Variants in HHIP observed in about 807,000 individuals in gnomAD.
The protein encoded by HHIP is hedgehog interacting protein, also known as hedgehog-interacting protein.
Under a neutral mutation model 74.0 loss-of-function variants are expected in HHIP, and 12 were observed. The ratio of observed to expected loss-of-function variants is 0.16; its 90% CI spans 0.10 to 0.26. The LOEUF (loss-of-function observed/expected upper bound fraction) is 0.26, where lower values mean the gene tolerates loss of function less well. HHIP is among the 10% of genes least tolerant of loss of function. HHIP has a pLI of 1.00. For synonymous variants in HHIP, 309 were observed against 311.6 expected, an observed-to-expected ratio of 0.99 and a Z score of 0.09; for missense variants, 788 against 845.0, an observed-to-expected ratio of 0.93 and a Z score of 0.84.
At chr4:144,661,130 GC>G (rs966309396) in intron 4 of HHIP, 1 of 152,102 alleles carries the variant, frequency 6.6e-6, no homozygotes, top group African/African-American at 2.4e-5. Context: ...CAATTTGACT[GC>G]CTTTTAAATC....
At chr4:144,715,958 T>C (rs920861321) in intron 10 of HHIP, among the ~76,000 whole-genome samples, 1 of 152,218 alleles carries the variant, frequency 6.6e-6, no homozygotes, top group East Asian at 1.9e-4. Context: ...TATGTTCTCA[T>C]GGGACAATCT....
At chr4:144,665,387 AT>A (rs1728833392) in intron 4 of HHIP, among the ~76,000 whole-genome samples, 1 of 152,172 alleles carries the variant, frequency 6.6e-6, no homozygotes, top group Non-Finnish European at 1.5e-5. Flanking sequence ...GACTGCAGTT[AT>A]TTCTAATATC....
rs1731170185 is a variant in HHIP at position 144,738,107 on chromosome 4, CTGTG to C, written c.*154_*157del. On this transcript the variant is annotated 3_prime_UTR_variant, in exon 13 of 13. Transcript: ENST00000296575. ...TAATTTCCAGAAATGTGCAGATCCT[CTGTG>C]TGTATGTCAGCATGTTTGTTCACAT... 7 of 1,336,830 alleles carry C rather than the reference CTGTG, an allele frequency of 5.2e-6. No homozygotes were observed. The highest frequency in any genetic ancestry group is 3.0e-5 in the African/African-American group (2 of 67,546). The allele number at this position is 1,336,830 out of a possible 1,614,324, so 82.8% of individuals were successfully genotyped here.
chr4:144,670,330 G>A (rs1317695296), intron 4 of HHIP, among the ~76,000 whole-genome samples: 1 of 151,616 alleles, frequency 6.6e-6, no homozygotes, highest in African/African-American at 2.4e-5. Flanking sequence ...GCATGGTGGT[G>A]CGTGCCTGCA....
intron 4 of HHIP, among the ~76,000 whole-genome samples, chr4:144,677,997 A>T (rs986036543): frequency 6.6e-6 from 1 of 152,178 alleles, no homozygotes; most frequent in Non-Finnish European, 1.5e-5. Context: ...GGTCAAAAAG[A>T]CTGACTTAGT....
chr4:144,656,528 G>T (rs917599121), intron 2 of HHIP, among the ~76,000 whole-genome samples: 2 of 152,110 alleles, frequency 1.3e-5, no homozygotes, highest in Admixed American at 6.5e-5. Flanking sequence ...GATGGTATTG[G>T]TTAGTAGACA....
intron 12 of HHIP, among the ~76,000 whole-genome samples, chr4:144,735,968 C>T (rs2126693487): frequency 6.6e-6 from 1 of 152,128 alleles, no homozygotes; most frequent in South Asian, 2.1e-4. Flanking sequence ...TAAGTAATTA[C>T]ATTATTTAAA....
At chr4:144,729,162 G>A (rs950507009) in intron 11 of HHIP, among the ~76,000 whole-genome samples, 1 of 152,166 alleles carries the variant, frequency 6.6e-6, no homozygotes, top group Non-Finnish European at 1.5e-5. Flanking sequence ...AAGCTCCACA[G>A]ATGGAAGACA....
At chr4:144,729,222 T>C (rs1730885220) in intron 11 of HHIP, among the ~76,000 whole-genome samples, 1 of 152,150 alleles carries the variant, frequency 6.6e-6, no homozygotes, top group African/African-American at 2.4e-5. Context: ...TACCCTTTTT[T>C]AGGTAAAAGT....
rs566512872 is a variant in HHIP at position 144,744,142 on chromosome 4, T to C, written c.*6185T>C. The C allele has an allele frequency of 6.6e-6, 1 of 152,254 alleles. No individual in the cohort carries two copies. Among genetic ancestry groups the C allele is most frequent in the African/African-American group, 2.4e-5 (1 of 41,562 alleles). 9.4% of individuals were successfully genotyped at this position (152,254 alleles called of 1,614,324 possible). On this transcript the variant is annotated 3_prime_UTR_variant, in exon 13 of 13. Coordinates refer to ENST00000296575, the MANE Select transcript of HHIP (RefSeq NM_022475.3). ...ATAAGATAAATGGTAACTGAGGTAC[T>C]ATGGAATTTTTAGAACTTGATTCCC...
intron 11 of HHIP, 132 bp downstream of exon 11, chr4:144,719,088 T>C (rs1730553987): frequency 4.6e-6 from 3 of 654,376 alleles, no homozygotes; most frequent in Non-Finnish European, 2.7e-6. Flanking sequence ...TCCATATGCT[T>C]AGAGCTGTCC....
chr4:144,676,784 A>G (rs575442903), intron 4 of HHIP, among the ~76,000 whole-genome samples: 55 of 152,342 alleles, frequency 3.6e-4, no homozygotes, highest in African/African-American at 1.0e-3. Context: ...GAGGAAATAG[A>G]AGCAGAAAAA....
chr4:144,733,073 CAAG>C (rs1197261882), intron 11 of HHIP, among the ~76,000 whole-genome samples: 2 of 152,140 alleles, frequency 1.3e-5, no homozygotes, highest in African/African-American at 4.8e-5. Context: ...TACTCAAGAA[CAAG>C]AAGAAGGCGA....
chr4:144,651,403 C>A (rs1052272826), intron 1 of HHIP, among the ~76,000 whole-genome samples: 1 of 151,870 alleles, frequency 6.6e-6, no homozygotes. Flanking sequence ...TTTGCTCTTG[C>A]AGATTCAAAT....
intron 4 of HHIP, among the ~76,000 whole-genome samples, chr4:144,682,197 T>C (rs1355434919): frequency 6.6e-6 from 1 of 152,178 alleles, no homozygotes; most frequent in Non-Finnish European, 1.5e-5. Flanking sequence ...GAAGTGGAAC[T>C]GAGAAGCAGA....
intron 11 of HHIP, among the ~76,000 whole-genome samples, chr4:144,725,160 T>C (rs577233225): frequency 6.6e-6 from 1 of 152,320 alleles, no homozygotes; most frequent in East Asian, 1.9e-4. Flanking sequence ...AGATTTAATG[T>C]TGCATTAGAT....
In HHIP at chr4:144,742,638, C is replaced by T. The variant is rs1731285261; in HGVS notation, c.*4681C>T. 1 of 151,426 alleles carries T rather than the reference C, an allele frequency of 6.6e-6. No individual in the cohort carries two copies. Among genetic ancestry groups the T allele is most frequent in the Admixed American group, 6.6e-5 (1 of 15,130 alleles). 9.4% of individuals were successfully genotyped at this position (151,426 alleles called of 1,614,324 possible). ...GTTGCAGAGGACTCAGACCAAAGTCCCATGGCAGAAAATGTACATATTTTT... is the reference window on the plus strand; with the variant it reads ...GTTGCAGAGGACTCAGACCAAAGTCTCATGGCAGAAAATGTACATATTTTT... On this transcript the variant is annotated 3_prime_UTR_variant, in exon 13 of 13. Transcript: ENST00000296575.
At chr4:144,670,959 G>A (rs1419206305) in intron 4 of HHIP, among the ~76,000 whole-genome samples, 1 of 152,000 alleles carries the variant, frequency 6.6e-6, no homozygotes, top group Non-Finnish European at 1.5e-5. Flanking sequence ...AACCTGAACC[G>A]ACGTCCCTCC....
intron 11 of HHIP, among the ~76,000 whole-genome samples, chr4:144,720,818 T>A (rs1730610417): frequency 6.6e-6 from 1 of 152,146 alleles, no homozygotes; most frequent in Admixed American, 6.6e-5. Flanking sequence ...TAAACATTTG[T>A]TGGGAGCCTC....
Sources: allele counts gnomAD v4.1 joint callset (sites outside exome capture counted in the v4.1 genomes callset), GRCh38; gene constraint gnomAD v4.1.1; transcripts MANE v1.5; gene names NCBI Gene and HGNC (gene_info 2026-07-23, HGNC 2026-07-21).